RPN2: variants seen among roughly 807,000 people sequenced by gnomAD.
RPN2 encodes dolichyl-diphosphooligosaccharide--protein glycosyltransferase subunit 2.
Under a neutral mutation model 71.4 loss-of-function variants are expected in RPN2, and 29 were observed. The ratio of observed to expected loss-of-function variants is 0.41; its 90% CI spans 0.30 to 0.55. The LOEUF (loss-of-function observed/expected upper bound fraction) is 0.55, where lower values mean the gene tolerates loss of function less well. Ranked by LOEUF, RPN2 falls within the 20% of genes least tolerant of loss-of-function variation. RPN2 has a pLI of 0.35. For synonymous variants in RPN2, 308 were observed against 305.0 expected (o/e 1.01, Z -0.10); for missense variants, 726 against 774.1 (o/e 0.94, Z 0.74).
chr20:37,234,869 C>T (rs1358749849), intron 15 of RPN2, among the ~76,000 whole-genome samples: 11 of 152,060 alleles, frequency 7.2e-5, no homozygotes, highest in East Asian at 3.9e-4. Context: ...TTTGTAGAGA[C>T]GGGGTCTTGC....
chr20:37,211,464 C>A (rs969157839), intron 8 of RPN2, among the ~76,000 whole-genome samples: 3 of 150,894 alleles, frequency 2.0e-5, no homozygotes, highest in Admixed American at 2.0e-4. Flanking sequence ...CATGGCGAAA[C>A]CCCATCTCTA....
At chr20:37,227,300 G>C (rs2068100499) in intron 11 of RPN2, among the ~76,000 whole-genome samples, 1 of 152,266 alleles carries the variant, frequency 6.6e-6, no homozygotes, top group Non-Finnish European at 1.5e-5. Context: ...ATTAGGATTA[G>C]AGCAAGGAGA....
intron 9 of RPN2, among the ~76,000 whole-genome samples, chr20:37,214,199 T>C (rs911605411): frequency 6.6e-6 from 1 of 152,218 alleles, no homozygotes; most frequent in Non-Finnish European, 1.5e-5. Context: ...AAGTGTTTTG[T>C]GTGATAGGCT....
intron 4 of RPN2, among the ~76,000 whole-genome samples, chr20:37,203,323 T>G (rs1401782792): frequency 1.3e-5 from 2 of 151,748 alleles, no homozygotes; most frequent in Non-Finnish European, 2.9e-5. Flanking sequence ...ATTGTTTGCT[T>G]TTTAAAATGG....
intron 10 of RPN2, 34 bp from the exon 11 acceptor site, chr20:37,225,654 C>T: frequency 7.3e-7 from 1 of 1,374,248 alleles, no homozygotes; most frequent in Non-Finnish European, 1.0e-6. Context: ...TATACTGATC[C>T]TCTCTGAAGA....
At chr20:37,189,177 C>T (rs989360720) in intron 2 of RPN2, among the ~76,000 whole-genome samples, 6 of 152,000 alleles carry the variant, frequency 3.9e-5, no homozygotes, top group South Asian at 2.1e-4. Flanking sequence ...TCAGGTGATC[C>T]ACCCGCCTTG....
chr20:37,225,551 C>G (rs898397827), intron 10 of RPN2, 137 bp from the exon 11 acceptor site: 6 of 716,676 alleles, frequency 8.4e-6, no homozygotes, highest in African/African-American at 1.7e-5. Flanking sequence ...AGACAGTTCT[C>G]CACATCTGTC....
chr20:37,228,289 G>A (rs1453176532), intron 11 of RPN2, among the ~76,000 whole-genome samples: 1 of 152,130 alleles, frequency 6.6e-6, no homozygotes, highest in African/African-American at 2.4e-5. Flanking sequence ...CTGCAAACTG[G>A]GCAGTCAGCC....
Position 37,207,461 on chromosome 20 carries a change from A to G in RPN2, c.867+12A>G, listed in dbSNP as rs200663601. 1.3e-4 allele frequency: 212 copies of G among 1,613,520 alleles called. No homozygotes were observed. In the African/African-American group the frequency reaches 1.9e-3, roughly 15 times the overall value. On this transcript the variant is annotated intron_variant, in intron 7 of 16. Transcript: ENST00000237530. ...AGGCTATCTTGCGGGTAAGACATCCATGCCCAAAGTGTGCCCCTCTGATTA... is the reference window on the plus strand; with the variant it reads ...AGGCTATCTTGCGGGTAAGACATCCGTGCCCAAAGTGTGCCCCTCTGATTA...
At chr20:37,192,453 A>T (rs2067161804) in intron 2 of RPN2, among the ~76,000 whole-genome samples, 1 of 152,196 alleles carries the variant, frequency 6.6e-6, no homozygotes, top group South Asian at 2.1e-4. Flanking sequence ...CAGCAGAGGG[A>T]GCCGGCACTC....
intron 2 of RPN2, among the ~76,000 whole-genome samples, chr20:37,191,234 T>C (rs532293271): frequency 3.9e-5 from 6 of 152,148 alleles, no homozygotes; most frequent in African/African-American, 1.4e-4. Flanking sequence ...CTCAGCACTT[T>C]GGGAGGCTGA....
Position 37,192,329 on chromosome 20 carries a change from C to T in RPN2, c.208-6068C>T, listed in dbSNP as rs983171066. On this transcript the variant is annotated intron_variant, in intron 2 of 16. Coordinates refer to ENST00000237530, the MANE Select transcript of RPN2 (RefSeq NM_002951.5). Reference sequence around the variant, plus strand: ...TATGGAGCATCTGCTGTGTGCCAGACATTGTGCTAAGTGCAGAGAAGACAA... The same window carrying T: ...TATGGAGCATCTGCTGTGTGCCAGATATTGTGCTAAGTGCAGAGAAGACAA... Among the ~76,000 whole-genome samples the T allele has an allele frequency of 2.0e-5, 3 of 152,186 alleles. No homozygotes were observed. In the East Asian group the frequency reaches 5.8e-4, roughly 29 times the overall value.
At chr20:37,179,458 C>T (rs917442312) in intron 1 of RPN2, 89 bp downstream of exon 1, 2 of 1,441,748 alleles carry the variant, frequency 1.4e-6, no homozygotes, top group Non-Finnish European at 1.8e-6. Flanking sequence ...GCGGGATCCC[C>T]TTCCCCTGCG....
At chr20:37,210,682 C>A (rs1463484230) in intron 8 of RPN2, among the ~76,000 whole-genome samples, 1 of 152,074 alleles carries the variant, frequency 6.6e-6, no homozygotes, top group Non-Finnish European at 1.5e-5. Flanking sequence ...AGGTGCCCGC[C>A]ACCACGTCCG....
chr20:37,188,673 A>G (rs1338505450), intron 2 of RPN2, among the ~76,000 whole-genome samples: 3 of 149,176 alleles, frequency 2.0e-5, no homozygotes, highest in Non-Finnish European at 4.4e-5. Context: ...GTTGGAGTGC[A>G]GTGGTGCGAT....
chr20:37,204,651 T>C (rs1600778853), intron 5 of RPN2, 116 bp from the exon 6 acceptor site: 1 of 1,133,906 alleles, frequency 8.8e-7, no homozygotes, highest in Admixed American at 1.7e-5. Context: ...TGAGATGGTC[T>C]TCAGATTTAG....
rs775330695 is a variant in RPN2 at position 37,225,672 on chromosome 20, T to C, written c.1185-16T>C. ...ACTGATCCTCTCTGAAGACTAACTC[T>C]ATATGCCTCTTTCAGGGTGACATAC... On this transcript the variant is annotated splice_polypyrimidine_tract_variant and intron_variant, in intron 10 of 16. Transcript: ENST00000237530. 10 of 1,553,158 alleles carry C rather than the reference T, an allele frequency of 6.4e-6. No individual in the cohort carries two copies. Among genetic ancestry groups the C allele is most frequent in the Non-Finnish European group, 8.9e-6 (10 of 1,124,426 alleles).
At chr20:37,191,869 G>T (rs2067148438) in intron 2 of RPN2, among the ~76,000 whole-genome samples, 1 of 152,084 alleles carries the variant, frequency 6.6e-6, no homozygotes, top group Admixed American at 6.5e-5. Flanking sequence ...ATCACTTGAG[G>T]TCAGGAGTTG....
Position 37,191,693 on chromosome 20 carries a change from G to C in RPN2, c.208-6704G>C, listed in dbSNP as rs547776742. Among the ~76,000 whole-genome samples the C allele has an allele frequency of 2.0e-5, 3 of 151,806 alleles. No individual in the cohort carries two copies. In the South Asian group the frequency reaches 6.2e-4, roughly 31 times the overall value. ...TTTTGAGACTCTGTCTCAAAAGAAA[G>C]AAAGAGTGAGCATTTTTCATTTGAG... On this transcript the variant is annotated intron_variant, in intron 2 of 16. Coordinates refer to ENST00000237530, the MANE Select transcript of RPN2 (RefSeq NM_002951.5).
Sources: allele counts gnomAD v4.1 joint callset (sites outside exome capture counted in the v4.1 genomes callset), GRCh38; gene constraint gnomAD v4.1.1; transcripts MANE v1.5; gene names NCBI Gene and HGNC (gene_info 2026-07-23, HGNC 2026-07-21).